Variants in CDC42EP3 observed in about 807,000 individuals in gnomAD.
CDC42EP3 encodes CDC42 effector protein (Rho GTPase binding) 3.
A neutral mutation model predicts 15.5 loss-of-function variants in CDC42EP3; 4 were observed. The observed-to-expected ratio is 0.26, with a 90% confidence interval of 0.13 to 0.59. The LOEUF (loss-of-function observed/expected upper bound fraction) is 0.59, where lower values mean the gene tolerates loss of function less well. Among genes scored for constraint, CDC42EP3 ranks in the 20% least tolerant of loss-of-function variants. CDC42EP3 has a pLI of 0.89. For missense variants in CDC42EP3, 309 were observed against 311.2 expected (o/e 0.99, Z 0.05); for synonymous variants, 145 against 130.3 (o/e 1.11, Z -0.77).
At chr2:37,655,265 T>C (rs1665812226) in intron 1 of CDC42EP3, among the ~76,000 whole-genome samples, 1 of 152,230 alleles carries the variant, frequency 6.6e-6, no homozygotes, top group Non-Finnish European at 1.5e-5. Context: ...CTTCCATTAT[T>C]TTAAAGGACT....
intron 1 of CDC42EP3, among the ~76,000 whole-genome samples, chr2:37,662,606 C>T (rs796968639): frequency 2.0e-4 from 31 of 152,288 alleles, no homozygotes; most frequent in African/African-American, 7.2e-4. Flanking sequence ...CCCTGAGAGA[C>T]CTCTCTCTGA....
chr2:37,653,761 TA>T lies in CDC42EP3; in HGVS notation c.-235-6940del, dbSNP rs60459309. On this transcript the variant is annotated intron_variant, in intron 1 of 1. Transcript: ENST00000295324. ...ATTAATTCTTAGTGGAGAGAAAAAG[TA>T]AAAAAAAAAAAAAATTGCATCCTGC... Among the ~76,000 whole-genome samples, 981 of 141,260 alleles carry T rather than the reference TA, an allele frequency of 6.9e-3. 3 individuals are homozygous for T. The highest frequency in any genetic ancestry group is 8.8e-3 in the Non-Finnish European group (557 of 63,420). The allele number at this position is 141,260 out of a possible 152,430, so 92.7% of individuals were successfully genotyped here.
upstream of CDC42EP3, chr2:37,671,818 C>CGCA (rs766417843): frequency 5.4e-5 from 1 of 18,412 alleles, no homozygotes; most frequent in African/African-American, 1.6e-4. Context: ...CGGGCGCGCG[C>CGCA]GCGGGGGGGG....
At chr2:37,650,704 G>C (rs1665643301) in intron 1 of CDC42EP3, among the ~76,000 whole-genome samples, 1 of 152,166 alleles carries the variant, frequency 6.6e-6, no homozygotes, top group African/African-American at 2.4e-5. Flanking sequence ...ACCCTCCCTG[G>C]GAATTCTGTC....
intron 1 of CDC42EP3, among the ~76,000 whole-genome samples, chr2:37,660,347 A>G (rs1476324703): frequency 1.3e-5 from 2 of 152,166 alleles, no homozygotes; most frequent in Admixed American, 1.3e-4. Flanking sequence ...TCCCCTGTCA[A>G]TGGGACATAG....
At chr2:37,659,190 A>C (rs1665977031) in intron 1 of CDC42EP3, among the ~76,000 whole-genome samples, 1 of 152,224 alleles carries the variant, frequency 6.6e-6, no homozygotes, top group African/African-American at 2.4e-5. Context: ...GCAGGTATTG[A>C]AAAAAATGTT....
chr2:37,662,727 A>C (rs1476610895), intron 1 of CDC42EP3, among the ~76,000 whole-genome samples: 1 of 152,138 alleles, frequency 6.6e-6, no homozygotes, highest in Non-Finnish European at 1.5e-5. Context: ...ACTTAATAGA[A>C]GGCCAAAAAT....
Position 37,644,133 on chromosome 2 carries a change from T to C in CDC42EP3, c.*1690A>G, listed in dbSNP as rs1392364459. ...ACACCCCTGCCTAGGGGAACTTGTT[T>C]CGTCTACTTGGTTAGTTGTCCTAAT... is the stretch of plus-strand genomic sequence containing the variant. On this transcript the variant is annotated 3_prime_UTR_variant, in exon 2 of 2. Coordinates refer to ENST00000295324, the MANE Select transcript of CDC42EP3 (RefSeq NM_006449.5). 1 of 152,204 alleles carries C rather than the reference T, an allele frequency of 6.6e-6. No homozygotes were observed. The highest frequency in any genetic ancestry group is 2.4e-5 in the African/African-American group (1 of 41,454). The allele number at this position is 152,204 out of a possible 1,614,324, so 9.4% of individuals were successfully genotyped here. A position where few individuals can be genotyped will look rare whatever the true frequency, so the allele number is the denominator to read the frequency against.
Position 37,645,727 on chromosome 2 carries a change from A to G in CDC42EP3, c.*96T>C. 4.1e-6 allele frequency: 4 copies of G among 973,098 alleles called. No individual in the cohort carries two copies. Among genetic ancestry groups the G allele is most frequent in the Non-Finnish European group, 5.9e-6 (4 of 675,090 alleles). The allele number at this position is 973,098 out of a possible 1,614,324, so 60.3% of individuals were successfully genotyped here. Reference sequence around the variant, plus strand: ...AGAATATTATTTTAGAAAACCCAACACAAAACTGCAAATACAGCTCCGGAA... The same window carrying G: ...AGAATATTATTTTAGAAAACCCAACGCAAAACTGCAAATACAGCTCCGGAA... On this transcript the variant is annotated 3_prime_UTR_variant, in exon 2 of 2. Transcript: ENST00000295324.
At chr2:37,661,892 T>C (rs988311627) in intron 1 of CDC42EP3, among the ~76,000 whole-genome samples, 6 of 152,184 alleles carry the variant, frequency 3.9e-5, no homozygotes, top group African/African-American at 1.2e-4. Context: ...TTTCCTTGGC[T>C]TAAAAAAAAG....
At chr2:37,651,249 A>C (rs1665668315) in intron 1 of CDC42EP3, among the ~76,000 whole-genome samples, 1 of 152,210 alleles carries the variant, frequency 6.6e-6, no homozygotes, top group Non-Finnish European at 1.5e-5. Context: ...AAGTAGATGG[A>C]AGGGGAACAG....
chr2:37,656,865 C>T (rs1003930875), intron 1 of CDC42EP3, among the ~76,000 whole-genome samples: 2 of 151,778 alleles, frequency 1.3e-5, no homozygotes, highest in African/African-American at 2.4e-5. Context: ...GACACTGGTC[C>T]CTCCATCTCT....
At position 37,642,640 on chromosome 2, in the gene CDC42EP3, A is replaced by G. The variant is rs149625742; in HGVS notation, c.*3183T>C. The G allele has an allele frequency of 2.0e-3, 303 of 152,322 alleles. No homozygotes were observed. The highest frequency in any genetic ancestry group is 7.1e-3 in the African/African-American group (295 of 41,562). The allele number at this position is 152,322 out of a possible 1,614,324, so 9.4% of individuals were successfully genotyped here. On this transcript the variant is annotated 3_prime_UTR_variant, in exon 2 of 2. Transcript: ENST00000295324. ...AAATGATTCAGTCTTGCCAGGTTCC[A>G]TATTAGGAGGATTAGAACTACATCA...
intron 1 of CDC42EP3, among the ~76,000 whole-genome samples, chr2:37,654,883 T>C (rs932671914): frequency 1.3e-5 from 2 of 151,990 alleles, no homozygotes; most frequent in Non-Finnish European, 2.9e-5. Flanking sequence ...TCTGTAGGAG[T>C]GCTTCTCTGA....
intron 1 of CDC42EP3, among the ~76,000 whole-genome samples, chr2:37,657,722 G>T (rs990392279): frequency 1.3e-5 from 2 of 152,200 alleles, no homozygotes; most frequent in Non-Finnish European, 2.9e-5. Flanking sequence ...CTACAGCTCA[G>T]TGGGGTTCTC....
In CDC42EP3 at chr2:37,646,265, G is replaced by A. The variant is rs751422236; in HGVS notation, c.323C>T (p.Ser108Phe). The change falls in exon 2 of 2, where the codon TCC becomes TTC. Residue 108 changes from serine to phenylalanine, a missense_variant. Ser to Phe is a radical substitution (Grantham distance 155, BLOSUM62 -2). Coordinates refer to ENST00000295324, the MANE Select transcript of CDC42EP3 (RefSeq NM_006449.5). ...TPSPVLKNAI[S>F]LPTIGGSQAL... ...TTGGGATCCTCCAATGGTCGGGAGG[G>A]AGATGGCATTTTTGAGCACCGGGGA... The A allele has an allele frequency of 8.7e-6, 14 of 1,614,100 alleles. No individual in the cohort carries two copies. Among genetic ancestry groups the A allele is most frequent in the Non-Finnish European group, 1.2e-5 (14 of 1,180,044 alleles).
Position 37,662,772 on chromosome 2 carries a change from C to T in CDC42EP3, c.-236+8654G>A, listed in dbSNP as rs560673381. ...TTAGGAAGACATTTCATTCTGAAGC[C>T]GTCTGAGAGCAAGAAAACAGGCTCT... On this transcript the variant is annotated intron_variant, in intron 1 of 1. Coordinates refer to ENST00000295324, the MANE Select transcript of CDC42EP3 (RefSeq NM_006449.5). 7.2e-5 allele frequency among the ~76,000 whole-genome samples: 11 copies of T among 152,280 alleles called. No individual in the cohort carries two copies. In the South Asian group the frequency reaches 1.2e-3, roughly 17 times the overall value.
intron 1 of CDC42EP3, among the ~76,000 whole-genome samples, chr2:37,670,860 G>T (rs1020798679): frequency 1.3e-5 from 2 of 152,160 alleles, no homozygotes; most frequent in African/African-American, 4.8e-5. Flanking sequence ...TTAGTTTCAA[G>T]GAGAAAGGGA....
chr2:37,657,001 C>CG (rs1553317251), intron 1 of CDC42EP3, among the ~76,000 whole-genome samples: 269 of 103,208 alleles, frequency 2.6e-3, no homozygotes, highest in African/African-American at 0.01. Flanking sequence ...CCCCCCGCCC[C>CG]CCGCCATCCT....
Sources: allele counts gnomAD v4.1 joint callset (sites outside exome capture counted in the v4.1 genomes callset), GRCh38; gene constraint gnomAD v4.1.1; transcripts MANE v1.5; gene names NCBI Gene and HGNC (gene_info 2026-07-23, HGNC 2026-07-21).